The following LRP1B variants were observed in gnomAD, a reference collection of about 807,000 sequenced individuals.
The protein encoded by LRP1B is low-density lipoprotein receptor-related protein 1B.
In LRP1B, 217 loss-of-function variants were observed where a neutral mutation model predicts 556.6. That is an observed-to-expected ratio of 0.39 (90% CI 0.35 to 0.44). The LOEUF is 0.44. Ranked by LOEUF, LRP1B falls within the 20% of genes least tolerant of loss-of-function variation. The pLI is 1.00. For missense variants in LRP1B, 5,053 were observed against 5,620.8 expected, an observed-to-expected ratio of 0.90 and a Z score of 3.23; for synonymous variants, 2,047 against 1,865.8, an observed-to-expected ratio of 1.10 and a Z score of -2.50.
At chr2:141,181,882 A>G (rs545725394) in intron 7 of LRP1B, among the ~76,000 whole-genome samples, 1 of 152,118 alleles carries the variant, frequency 6.6e-6, no homozygotes, top group Non-Finnish European at 1.5e-5. Context: ...AATGAGAAGA[A>G]TGTGAGTCCT....
In LRP1B at chr2:140,853,716, C is replaced by A. The variant is rs966490138; in HGVS notation, c.4580-1933G>T. Among the ~76,000 whole-genome samples, 18 of 151,912 alleles carry A rather than the reference C, an allele frequency of 1.2e-4. 1 individual carries two copies. Among genetic ancestry groups the A allele is most frequent in the Admixed American group, 9.2e-4 (14 of 15,268 alleles). On this transcript the variant is annotated intron_variant, in intron 27 of 90. Coordinates refer to ENST00000389484, the MANE Select transcript of LRP1B (RefSeq NM_018557.3). ...AATAAATAAAGGAGAATAAGAGACT[C>A]ACAAAAAACTCATTCTCCTAAGAAA...
intron 3 of LRP1B, among the ~76,000 whole-genome samples, chr2:141,303,877 C>T (rs1190036611): frequency 1.3e-5 from 2 of 152,140 alleles, no homozygotes; most frequent in Admixed American, 1.3e-4. Flanking sequence ...TACATTTCCA[C>T]CAACAATGTA....
At chr2:141,624,061 A>G (rs1325556650) in intron 2 of LRP1B, among the ~76,000 whole-genome samples, 2 of 146,586 alleles carry the variant, frequency 1.4e-5, no homozygotes, top group South Asian at 2.2e-4. Context: ...AAGAAAAAAA[A>G]CAAGATTAGT....
At chr2:140,302,298 C>T (rs1683868346) in intron 83 of LRP1B, among the ~76,000 whole-genome samples, 1 of 152,130 alleles carries the variant, frequency 6.6e-6, no homozygotes, top group Admixed American at 6.5e-5. Flanking sequence ...TTCAGACCTT[C>T]AATTTTACTC....
chr2:141,187,128 T>C (rs1377334427), intron 7 of LRP1B, among the ~76,000 whole-genome samples: 2 of 152,072 alleles, frequency 1.3e-5, no homozygotes, highest in Non-Finnish European at 2.9e-5. Context: ...CCCAAACAAA[T>C]CAGTCTAAAT....
intron 1 of LRP1B, among the ~76,000 whole-genome samples, chr2:142,054,173 T>C (rs944736260): frequency 6.6e-6 from 1 of 152,150 alleles, no homozygotes; most frequent in Non-Finnish European, 1.5e-5. Context: ...TTCACAAGAA[T>C]ATGACATATT....
intron 1 of LRP1B, among the ~76,000 whole-genome samples, chr2:141,884,307 C>G (rs1699045159): frequency 6.6e-6 from 1 of 152,024 alleles, no homozygotes; most frequent in African/African-American, 2.4e-5. Flanking sequence ...GCCCAGAAGT[C>G]GAGACTGTAG....
chr2:141,518,404 G>A (rs1470138185), intron 2 of LRP1B, among the ~76,000 whole-genome samples: 3 of 152,026 alleles, frequency 2.0e-5, no homozygotes, highest in Non-Finnish European at 4.4e-5. Flanking sequence ...ATTTCTTAGT[G>A]ATTAAAATTG....
At chr2:141,258,751 T>C (rs9287316) in intron 3 of LRP1B, among the ~76,000 whole-genome samples, 21,021 of 152,026 alleles carry the variant, frequency 0.14, 1,487 homozygotes, top group South Asian at 0.21. Flanking sequence ...ATCTGATTGT[T>C]TGAAAGTGTG....
chr2:140,535,774 T>C (rs1424572869), intron 46 of LRP1B, among the ~76,000 whole-genome samples: 1 of 152,046 alleles, frequency 6.6e-6, no homozygotes, highest in African/African-American at 2.4e-5. Flanking sequence ...TGAAGGGAAA[T>C]CTCAGTTGCT....
chr2:141,449,072 T>C (rs1177354381), intron 3 of LRP1B, among the ~76,000 whole-genome samples: 3 of 152,216 alleles, frequency 2.0e-5, no homozygotes, highest in African/African-American at 7.2e-5. Context: ...AACAAAACTA[T>C]GTGAAATCTT....
At chr2:140,968,513 T>G (rs74374162) in intron 18 of LRP1B, among the ~76,000 whole-genome samples, 36 of 150,254 alleles carry the variant, frequency 2.4e-4, no homozygotes, top group South Asian at 1.3e-3. Context: ...GTTTTTTTTT[T>G]TGTGTCTCTA....
intron 33 of LRP1B, 104 bp downstream of exon 33, chr2:140,775,994 T>C: frequency 1.0e-6 from 1 of 1,004,622 alleles, no homozygotes; most frequent in Non-Finnish European, 1.5e-6. Flanking sequence ...CTGTTTTTAT[T>C]AGAAGCAAGA....
chr2:141,692,619 T>C (rs2105448203), intron 2 of LRP1B, among the ~76,000 whole-genome samples: 1 of 152,064 alleles, frequency 6.6e-6, no homozygotes, highest in South Asian at 2.1e-4. Context: ...CAGGACCCAT[T>C]AGAGTCATGA....
intron 1 of LRP1B, among the ~76,000 whole-genome samples, chr2:141,887,538 G>A (rs1486515235): frequency 2.0e-5 from 3 of 152,056 alleles, no homozygotes; most frequent in Non-Finnish European, 4.4e-5. Flanking sequence ...GAGTCTTTCA[G>A]ATGCCAGGAA....
chr2:141,932,128 C>CA (rs1387240222), intron 1 of LRP1B, among the ~76,000 whole-genome samples: 1 of 151,758 alleles, frequency 6.6e-6, no homozygotes, highest in Non-Finnish European at 1.5e-5. Context: ...ATAAAGTGAG[C>CA]AAAAAGACAA....
At chr2:141,125,844 CAAAAA>C (rs386391362) in intron 7 of LRP1B, among the ~76,000 whole-genome samples, 4 of 102,190 alleles carry the variant, frequency 3.9e-5, no homozygotes, top group African/African-American at 1.6e-4. Flanking sequence ...CTTTCAAATG[CAAAAA>C]AAAAAAAAAA....
At chr2:141,133,964 T>A (rs190954536) in intron 7 of LRP1B, among the ~76,000 whole-genome samples, 5 of 151,900 alleles carry the variant, frequency 3.3e-5, no homozygotes, top group African/African-American at 1.2e-4. Context: ...ATGCATAGTA[T>A]CCTCCCAAAC....
chr2:140,387,007 T>C (rs571367357), intron 66 of LRP1B, among the ~76,000 whole-genome samples: 215 of 152,274 alleles, frequency 1.4e-3, no homozygotes, highest in Non-Finnish European at 2.1e-3. Context: ...CTTTTGTCTA[T>C]GAAGCACACT....
Sources: gnomAD v4.1 joint callset for allele counts (sites outside exome capture counted in the v4.1 genomes callset) on GRCh38, gnomAD v4.1.1 for gene constraint, MANE v1.5 for transcripts, NCBI Gene and HGNC (gene_info 2026-07-23, HGNC 2026-07-21) for gene names.